COG5: variants seen among roughly 807,000 people sequenced by gnomAD.
COG5 encodes conserved oligomeric Golgi complex subunit 5.
A neutral mutation model predicts 110.4 loss-of-function variants in COG5; 86 were observed. The observed-to-expected ratio is 0.78, with a 90% CI of 0.65 to 0.93. COG5 has a LOEUF of 0.93. COG5 is among the 40% of genes least tolerant of loss of function. COG5 has a pLI of 0.00. For synonymous variants in COG5, 360 were observed against 334.6 expected (o/e 1.08, Z -0.83); for missense variants, 1,077 against 987.0 (o/e 1.09, Z -1.22).
chr7:107,218,903 A>G (rs1799707283), intron 19 of COG5, among the ~76,000 whole-genome samples: 1 of 152,138 alleles, frequency 6.6e-6, no homozygotes, highest in Admixed American at 6.5e-5. Context: ...ACAGCAAAAG[A>G]AATAATGAGA....
In COG5 at chr7:107,230,671, T is replaced by A. The variant is rs774119226; in HGVS notation, c.2112A>T (p.Pro704=). The stretch of plus-strand genomic sequence containing the variant: ...CTAAATCAGATACTCGTCTACAGAA[T>A]GGACCCACAGCCAACTCCATCTGAA... The part of the protein sequence containing the change: ...DFAQMELAVG[P]FCRRVSDLGK... The change falls in exon 19 of 22, where the codon CCA becomes CCT. Residue 704 remains proline (P), a synonymous_variant. Transcript: ENST00000297135. 1 of 1,612,598 alleles carries A rather than the reference T, an allele frequency of 6.2e-7. No homozygotes were observed. Among genetic ancestry groups the A allele is most frequent in the East Asian group, 2.2e-5 (1 of 44,832 alleles).
At chr7:107,273,838 T>TA (rs201439343) in intron 14 of COG5, among the ~76,000 whole-genome samples, 1 of 151,682 alleles carries the variant, frequency 6.6e-6, no homozygotes, top group Non-Finnish European at 1.5e-5. Context: ...ATGAGAAAGA[T>TA]AAAAAAATAG....
intron 14 of COG5, among the ~76,000 whole-genome samples, chr7:107,277,397 T>C (rs1309072535): frequency 6.6e-6 from 1 of 151,960 alleles, no homozygotes; most frequent in African/African-American, 2.4e-5. Flanking sequence ...GCACTAGAGA[T>C]AGAAACTAAA....
Position 107,397,489 on chromosome 7 carries a change from T to C in COG5, c.669+15013A>G, listed in dbSNP as rs149624052. Reference sequence around the variant, plus strand: ...CATACAGCCTCATCCAGCACCATCATTGATTGAAAGACAATATATAAAAAA... The same window carrying C: ...CATACAGCCTCATCCAGCACCATCACTGATTGAAAGACAATATATAAAAAA... On this transcript the variant is annotated intron_variant, in intron 7 of 21. Transcript: ENST00000297135. Among the ~76,000 whole-genome samples the C allele has an allele frequency of 2.4e-4, 37 of 152,114 alleles. 2 individuals carry two copies. In the East Asian group the frequency reaches 3.0e-3, roughly 12 times the overall value.
intron 6 of COG5, among the ~76,000 whole-genome samples, chr7:107,495,343 C>A (rs2129131624): frequency 6.6e-6 from 1 of 152,222 alleles, no homozygotes; most frequent in Admixed American, 6.5e-5. Context: ...AAAGTGGCAG[C>A]TGTAAGATTA....
chr7:107,282,652 G>A (rs576698981), intron 13 of COG5, among the ~76,000 whole-genome samples: 62 of 152,248 alleles, frequency 4.1e-4, no homozygotes, highest in Non-Finnish European at 8.2e-4. Flanking sequence ...CTCCCGAGTA[G>A]CTGGGGTTAC....
chr7:107,402,206 G>C (rs147543506), intron 7 of COG5, among the ~76,000 whole-genome samples: 1 of 152,260 alleles, frequency 6.6e-6, no homozygotes, highest in African/African-American at 2.4e-5. Context: ...ATAAGCACCA[G>C]GACCCTAGGC....
chr7:107,508,695 G>A (rs1332693341), intron 6 of COG5, among the ~76,000 whole-genome samples: 4 of 152,148 alleles, frequency 2.6e-5, no homozygotes, highest in Admixed American at 1.3e-4. Flanking sequence ...CCAGAGGAAC[G>A]ATCAGGCAGC....
intron 7 of COG5, among the ~76,000 whole-genome samples, chr7:107,394,676 A>G (rs1203256505): frequency 6.6e-6 from 1 of 152,232 alleles, no homozygotes; most frequent in Non-Finnish European, 1.5e-5. Flanking sequence ...ACAGCATTAA[A>G]TCAAGTGTGA....
chr7:107,229,513 A>G (rs1341421821), intron 19 of COG5, among the ~76,000 whole-genome samples: 1 of 152,220 alleles, frequency 6.6e-6, no homozygotes, highest in African/African-American at 2.4e-5. Context: ...CTGATTTACT[A>G]AATAAACAGC....
intron 3 of COG5, among the ~76,000 whole-genome samples, chr7:107,550,006 C>T (rs1802770925): frequency 1.3e-5 from 2 of 151,702 alleles, no homozygotes; most frequent in Non-Finnish European, 2.9e-5. Context: ...TCTCTCTGTC[C>T]TCTTTCTCTC....
intron 6 of COG5, among the ~76,000 whole-genome samples, chr7:107,449,065 T>C (rs1243995776): frequency 1.3e-5 from 2 of 152,000 alleles, no homozygotes; most frequent in Non-Finnish European, 2.9e-5. Flanking sequence ...CTGCACAAAA[T>C]TAACTGTAGT....
intron 7 of COG5, among the ~76,000 whole-genome samples, chr7:107,395,947 GA>G (rs1457021009): frequency 1.3e-5 from 2 of 152,058 alleles, no homozygotes; most frequent in African/African-American, 4.8e-5. Context: ...ACAATAAAAA[GA>G]ACAGTACCTT....
intron 1 of COG5, among the ~76,000 whole-genome samples, chr7:107,560,670 A>G (rs1361306720): frequency 1.3e-5 from 2 of 152,234 alleles, no homozygotes. Context: ...AGAGAAGAAC[A>G]GAAAAAGTGA....
Position 107,285,926 on chromosome 7 carries a change from C to T in COG5, c.1314-2194G>A, listed in dbSNP as rs75889010. 8.0e-3 allele frequency among the ~76,000 whole-genome samples: 1,200 copies of T among 149,420 alleles called. 16 individuals are homozygous for T. Among genetic ancestry groups the T allele is most frequent in the African/African-American group, 0.026 (1,045 of 40,876 alleles). On this transcript the variant is annotated intron_variant, in intron 12 of 21. Transcript: ENST00000297135. ...TACACAGTAACAGGAGAGATATACA[C>T]AAAAATAAAAATTTAAAATAAGTTA...
At chr7:107,228,654 C>A (rs1392033787) in intron 19 of COG5, among the ~76,000 whole-genome samples, 2 of 151,906 alleles carry the variant, frequency 1.3e-5, no homozygotes, top group African/African-American at 4.8e-5. Context: ...TGAGCTGATA[C>A]AAAGAAGGTA....
In COG5 at chr7:107,260,168, T is replaced by C. The variant is rs755428608; in HGVS notation, c.1576-1785A>G. ...GCATTTATTCATAATAATAAGAAAA[T>C]AGACACAATGCAAATGTCAACCAAC... On this transcript the variant is annotated intron_variant, in intron 14 of 21. Coordinates refer to ENST00000297135, the MANE Select transcript of COG5 (RefSeq NM_006348.5). 4.0e-5 allele frequency among the ~76,000 whole-genome samples: 6 copies of C among 150,782 alleles called. No homozygotes were observed. In the East Asian group the frequency reaches 7.7e-4, roughly 19 times the overall value.
chr7:107,438,334 T>G (rs1367587583), intron 6 of COG5, among the ~76,000 whole-genome samples: 2 of 152,210 alleles, frequency 1.3e-5, no homozygotes, highest in African/African-American at 4.8e-5. Flanking sequence ...TCTTATTCCA[T>G]TAGTTTATTC....
chr7:107,356,327 T>C (rs1812622578), intron 10 of COG5, among the ~76,000 whole-genome samples: 1 of 152,236 alleles, frequency 6.6e-6, no homozygotes, highest in Non-Finnish European at 1.5e-5. Context: ...AATGTAACTG[T>C]TTATAATCCA....
Sources: gnomAD v4.1 joint callset for allele counts (sites outside exome capture counted in the v4.1 genomes callset) on GRCh38, gnomAD v4.1.1 for gene constraint, MANE v1.5 for transcripts, NCBI Gene and HGNC (gene_info 2026-07-23, HGNC 2026-07-21) for gene names.